TRIM46: variants seen among roughly 807,000 people sequenced by gnomAD.
TRIM46 encodes the protein tripartite motif-containing protein 46.
In TRIM46, 17 loss-of-function variants were observed where a neutral mutation model predicts 69.7. The observed-to-expected ratio is 0.24, with a 90% CI of 0.17 to 0.37. The LOEUF (loss-of-function observed/expected upper bound fraction) is 0.37. TRIM46 is among the 10% of genes least tolerant of loss of function. TRIM46 has a pLI of 1.00. For missense variants in TRIM46, 675 were observed against 1,025.1 expected, an observed-to-expected ratio of 0.66 and a Z score of 4.66; for synonymous variants, 391 against 429.0, an observed-to-expected ratio of 0.91 and a Z score of 1.09.
intron 8 of TRIM46, 121 bp downstream of exon 8, chr1:155,180,055 T>C: frequency 1.8e-6 from 2 of 1,123,414 alleles, no homozygotes; most frequent in Non-Finnish European, 2.5e-6. Context: ...TCACACACAC[T>C]AGCTCTGGAG....
Position 155,182,111 on chromosome 1 carries a change from A to G in TRIM46, c.1848A>G (p.Gln616=). The G allele has an allele frequency of 6.2e-7, 1 of 1,614,174 alleles. No homozygotes were observed. The highest frequency in any genetic ancestry group is 1.1e-5 in the South Asian group (1 of 91,072). Residue 616 remains glutamine, a synonymous_variant, in exon 9 of 10, where the codon CAA becomes CAG. Coordinates refer to ENST00000334634, the MANE Select transcript of TRIM46 (RefSeq NM_025058.5). ...GCGTCGGGCTGGAGAGCAAGCTTCAAGAAAGTTTCCAGGGTGCCCCCGATG... is the reference window on the plus strand; with the variant it reads ...GCGTCGGGCTGGAGAGCAAGCTTCAGGAAAGTTTCCAGGGTGCCCCCGATG... ...KVGVGLESKL[Q]ESFQGAPDVI... is the part of the protein sequence containing the mutation.
chr1:155,175,475 C>G lies in TRIM46; in HGVS notation c.153C>G (p.Asn51Lys). 6.2e-7 allele frequency: 1 copy of G among 1,614,158 alleles called. No individual in the cohort carries two copies. Among genetic ancestry groups the G allele is most frequent in the Non-Finnish European group, 8.5e-7 (1 of 1,180,002 alleles). The change falls in exon 2 of 10, where the codon AAC becomes AAG. Residue 51 changes from asparagine (N) to lysine (K), a missense_variant. Coordinates refer to ENST00000334634, the MANE Select transcript of TRIM46 (RefSeq NM_025058.5). The surrounding 1 kb of genome is among the most constrained non-coding windows in gnomAD (Gnocchi z 4.2). Reference protein sequence around the residue: ...KQPLVLPCTHNVCQACAREVL... With the variant: ...KQPLVLPCTHKVCQACAREVL... Reference sequence around the variant, plus strand: ...CACTGGTGCTGCCCTGTACCCACAACGTGTGCCAGGCCTGTGCCCGAGAGG... The same window carrying G: ...CACTGGTGCTGCCCTGTACCCACAAGGTGTGCCAGGCCTGTGCCCGAGAGG...
chr1:155,184,255 C>T lies in TRIM46; in HGVS notation c.*65C>T. 6.8e-7 allele frequency: 1 copy of T among 1,467,864 alleles called. No homozygotes were observed. 90.9% of individuals were successfully genotyped at this position (1,467,864 alleles called of 1,614,324 possible). ...GCCCTGGCCCCCAAACCTCTTGGCA[C>T]CCGGTTGTTACCCCCTGGCAGCTTC... On this transcript the variant is annotated 3_prime_UTR_variant, in exon 10 of 10. Transcript: ENST00000334634. This position sits in a 1 kb window ranked among gnomAD's most constrained non-coding sequence, Gnocchi z 5.6.
At position 155,175,256 on chromosome 1, in the gene TRIM46, C is replaced by A. The variant is rs1665546963; in HGVS notation, c.64-130C>A. The A allele has an allele frequency of 6.5e-7, 1 of 1,536,142 alleles. No individual in the cohort carries two copies. On this transcript the variant is annotated intron_variant, in intron 1 of 9. Coordinates refer to ENST00000334634, the MANE Select transcript of TRIM46 (RefSeq NM_025058.5). The surrounding 1 kb of genome is among the most constrained non-coding windows in gnomAD (Gnocchi z 4.2). Reference sequence around the variant, plus strand: ...TCTGTGAACCAGCCCAAGGCAGGTGCTCTGGAAAAGCTGCAGGTAGCTTGT... The same window carrying A: ...TCTGTGAACCAGCCCAAGGCAGGTGATCTGGAAAAGCTGCAGGTAGCTTGT...
At chr1:155,174,185 G>C (rs1665415820) in intron 1 of TRIM46, 156 bp downstream of exon 1, 1 of 913,318 alleles carries the variant, frequency 1.1e-6, no homozygotes. Flanking sequence ...GCAGGTATGA[G>C]AGGGTAATCC....
At chr1:155,180,989 C>T (rs937943715) in intron 8 of TRIM46, among the ~76,000 whole-genome samples, 13 of 152,262 alleles carry the variant, frequency 8.5e-5, no homozygotes, top group Non-Finnish European at 1.3e-4. Flanking sequence ...AATCCCAGCA[C>T]TTTGGGAGGC....
chr1:155,177,899 G>T, intron 5 of TRIM46, 103 bp from the exon 6 acceptor site: 1 of 1,493,816 alleles, frequency 6.7e-7, no homozygotes. Flanking sequence ...CAGATCCCTT[G>T]TGACCTTAGC....
chr1:155,179,957 T>A (rs754475962), intron 8 of TRIM46, 23 bp downstream of exon 8: 3 of 1,557,156 alleles, frequency 1.9e-6, no homozygotes, highest in East Asian at 4.5e-5. Context: ...GCACAGGTGG[T>A]CGTGCAAAGG....
In TRIM46 at chr1:155,184,409, T is replaced by G; in HGVS notation, c.*219T>G. On this transcript the variant is annotated 3_prime_UTR_variant, in exon 10 of 10. Transcript: ENST00000334634. This position sits in a 1 kb window ranked among gnomAD's most constrained non-coding sequence, Gnocchi z 5.6. Reference sequence around the variant, plus strand: ...GGCCCCCGTTCTCTCCATTGCTTGTTAGCCAGGCCCCCACCCCCACTGAGT... The same window carrying G: ...GGCCCCCGTTCTCTCCATTGCTTGTGAGCCAGGCCCCCACCCCCACTGAGT... The G allele has an allele frequency of 1.8e-6, 1 of 570,886 alleles. No homozygotes were observed. Among genetic ancestry groups the G allele is most frequent in the Non-Finnish European group, 3.0e-6 (1 of 330,158 alleles). The allele number at this position is 570,886 out of a possible 1,614,324, so 35.4% of individuals were successfully genotyped here.
chr1:155,182,630 C>G, intron 9 of TRIM46: 1 of 175,830 alleles, frequency 5.7e-6, no homozygotes, highest in Non-Finnish European at 1.2e-5. Context: ...CACTGGAGGT[C>G]GAGAGTTCGA....
At chr1:155,174,846 G>A in intron 1 of TRIM46, 1 of 1,416,208 alleles carries the variant, frequency 7.1e-7, no homozygotes, top group African/African-American at 1.5e-5. Context: ...TGGTAAGACC[G>A]ATGGGGAAGT....
rs1031452826 is a variant in TRIM46 at position 155,184,383 on chromosome 1, T to G, written c.*193T>G. ...GCTCTCTTCTGCCCACCTCTCTGGA[T>G]GGCCCCCGTTCTCTCCATTGCTTGT... On this transcript the variant is annotated 3_prime_UTR_variant, in exon 10 of 10. Coordinates refer to ENST00000334634, the MANE Select transcript of TRIM46 (RefSeq NM_025058.5). This position sits in a 1 kb window ranked among gnomAD's most constrained non-coding sequence, Gnocchi z 5.6. 78 of 646,264 alleles carry G rather than the reference T, an allele frequency of 1.2e-4. No individual in the cohort carries two copies. Among genetic ancestry groups the G allele is most frequent in the Middle Eastern group, 4.2e-4 (1 of 2,398 alleles). 40.0% of individuals were successfully genotyped at this position (646,264 alleles called of 1,614,324 possible). A position where few individuals can be genotyped will look rare whatever the true frequency, so the allele number is the denominator to read the frequency against.
chr1:155,175,601 C>T lies in TRIM46; in HGVS notation c.279C>T (p.Arg93=). 9 of 1,613,844 alleles carry T rather than the reference C, an allele frequency of 5.6e-6. No individual in the cohort carries two copies. Among genetic ancestry groups the T allele is most frequent in the Non-Finnish European group, 7.6e-6 (9 of 1,179,976 alleles). The part of the protein sequence containing the change: ...TPSTRSPRLS[R]RTLPKPDRLD... Reference sequence around the variant, plus strand: ...CCACCCGCAGCCCCCGCCTCTCCCGCAGAACTCTCCCCAAGCCAGACCGCC... The same window carrying T: ...CCACCCGCAGCCCCCGCCTCTCCCGTAGAACTCTCCCCAAGCCAGACCGCC... The change falls in exon 2 of 10, where the codon CGC becomes CGT. Residue 93 remains arginine (R), a synonymous_variant. Coordinates refer to ENST00000334634, the MANE Select transcript of TRIM46 (RefSeq NM_025058.5). This position sits in a 1 kb window ranked among gnomAD's most constrained non-coding sequence, Gnocchi z 4.2.
At chr1:155,176,521 T>A (rs527350647) in intron 3 of TRIM46, among the ~76,000 whole-genome samples, 1 of 152,370 alleles carries the variant, frequency 6.6e-6, no homozygotes, top group East Asian at 1.9e-4. Flanking sequence ...AAGTGTTACC[T>A]GCACACTGAA....
At position 155,184,509 on chromosome 1, in the gene TRIM46, C is replaced by T; in HGVS notation, c.*319C>T. 3.5e-6 allele frequency: 1 copy of T among 285,500 alleles called. No homozygotes were observed. Among genetic ancestry groups the T allele is most frequent in the South Asian group, 5.7e-5 (1 of 17,696 alleles). The allele number at this position is 285,500 out of a possible 1,614,324, so 17.7% of individuals were successfully genotyped here. A position where few individuals can be genotyped will look rare whatever the true frequency, so the allele number is the denominator to read the frequency against. On this transcript the variant is annotated 3_prime_UTR_variant, in exon 10 of 10. Transcript: ENST00000334634. This position sits in a 1 kb window ranked among gnomAD's most constrained non-coding sequence, Gnocchi z 5.6. ...CCTTCTCCATCCCTGTCCTGTGCCCCCCAGGCTGATTGGGAGGGAGGGCAC... is the reference window on the plus strand; with the variant it reads ...CCTTCTCCATCCCTGTCCTGTGCCCTCCAGGCTGATTGGGAGGGAGGGCAC...
chr1:155,176,320 A>G, intron 3 of TRIM46, 89 bp downstream of exon 3: 2 of 1,232,868 alleles, frequency 1.6e-6, no homozygotes, highest in Middle Eastern at 2.2e-4. Flanking sequence ...TCCAAAAGGA[A>G]GTGGGAAGGG....
At chr1:155,178,739 T>TGGGGCCCCCCCCCCCCCCCCCC in intron 7 of TRIM46, 126 bp downstream of exon 7, 1 of 1,348,474 alleles carries the variant, frequency 7.4e-7, no homozygotes, top group Non-Finnish European at 1.0e-6. Flanking sequence ...CAGCCATTCC[T>TGGGGCCCCCCCCCCCCCCCCCC]CCCACCCAGC....
chr1:155,180,389 GT>G, intron 8 of TRIM46: 1 of 353,362 alleles, frequency 2.8e-6, no homozygotes, highest in Non-Finnish European at 5.1e-6. Context: ...AAGGTCAAGA[GT>G]TTGAGACCAG....
chr1:155,178,739 T>TTGGGC, intron 7 of TRIM46, 126 bp downstream of exon 7: 108 of 1,347,994 alleles, frequency 8.0e-5, no homozygotes, highest in Non-Finnish European at 1.1e-4. Flanking sequence ...CAGCCATTCC[T>TTGGGC]CCCACCCAGC....
Sources: gnomAD v4.1 joint callset for allele counts (sites outside exome capture counted in the v4.1 genomes callset) on GRCh38, gnomAD v4.1.1 for gene constraint, Gnocchi (gnomAD v3.1) non-coding constraint, MANE v1.5 for transcripts, NCBI Gene and HGNC (gene_info 2026-07-23, HGNC 2026-07-21) for gene names.